Variants in FAM120C observed in about 807,000 individuals in gnomAD.
The protein encoded by FAM120C is family with sequence similarity 120 member C.
FAM120C carries 14 observed loss-of-function variants against 71.2 expected under a neutral mutation model. That is an observed-to-expected ratio of 0.20 (90% CI 0.13 to 0.31). The LOEUF (loss-of-function observed/expected upper bound fraction) is 0.31. Among genes scored for constraint, FAM120C ranks in the 10% least tolerant of loss-of-function variants. The pLI is 1.00. For missense variants in FAM120C, 500 were observed against 879.0 expected, an observed-to-expected ratio of 0.57 and a Z score of 5.45; for synonymous variants, 354 against 353.2, an observed-to-expected ratio of 1.00 and a Z score of -0.03.
At chrX:54,180,122 A>G (rs1557137170) in intron 1 of FAM120C, among the ~76,000 whole-genome samples, 1 of 112,166 alleles carries the variant, frequency 8.9e-6, no homozygotes, top group African/African-American at 3.2e-5. Context: ...CTGCTTCTCT[A>G]AAGATTTTGA....
intron 10 of FAM120C, among the ~76,000 whole-genome samples, chrX:54,104,042 G>A (rs1469948210): frequency 8.9e-6 from 1 of 111,895 alleles, no homozygotes; most frequent in African/African-American, 3.2e-5. Flanking sequence ...AAACAAAGAG[G>A]AGAAACCTTG....
intron 10 of FAM120C, among the ~76,000 whole-genome samples, chrX:54,103,700 T>C (rs782496117): frequency 1.2e-4 from 13 of 111,603 alleles, no homozygotes; most frequent in Non-Finnish European, 2.4e-4. Context: ...TAATACTACA[T>C]TATTTTGGTA....
chrX:54,127,255 T>C (rs782491708), intron 9 of FAM120C, among the ~76,000 whole-genome samples: 17 of 110,911 alleles, frequency 1.5e-4, no homozygotes, highest in African/African-American at 9.8e-5. Flanking sequence ...TGATGAAGGA[T>C]ACTGGTCTGA....
At position 54,108,760 on chromosome X, in the gene FAM120C, G is replaced by A. The variant is rs1346191343; in HGVS notation, c.2312+7785C>T. Among the ~76,000 whole-genome samples, 4 of 109,815 alleles carry A rather than the reference G, an allele frequency of 3.6e-5. No homozygotes were observed. In the East Asian group the frequency reaches 1.1e-3, roughly 31 times the overall value. ...AGCCTGGGCAACATGGTGAAACCCG[G>A]TCTCTACAAAAATACAAAAATTAGC... On this transcript the variant is annotated intron_variant, in intron 10 of 15. Transcript: ENST00000375180.
intron 15 of FAM120C, among the ~76,000 whole-genome samples, chrX:54,078,685 G>T (rs1223414979): frequency 9.0e-6 from 1 of 111,138 alleles, no homozygotes; most frequent in Non-Finnish European, 1.9e-5. Context: ...TCTAGAGGGG[G>T]CTTGGTAGAA....
intron 10 of FAM120C, among the ~76,000 whole-genome samples, chrX:54,107,678 G>A (rs1292554304): frequency 9.7e-6 from 1 of 102,616 alleles, no homozygotes; most frequent in Non-Finnish European, 2.0e-5. Flanking sequence ...TGCCACTACT[G>A]CTTGGCTAAT....
At position 54,163,943 on chromosome X, in the gene FAM120C, T is replaced by C. The variant is rs782799619; in HGVS notation, c.700-4327A>G. On this transcript the variant is annotated intron_variant, in intron 1 of 15. Coordinates refer to ENST00000375180, the MANE Select transcript of FAM120C (RefSeq NM_017848.6). ...ATATATACATATATATATATATTTT[T>C]TTTTTTTGAGACAGAGTCTCGCTCT... Among the ~76,000 whole-genome samples the C allele has an allele frequency of 6.0e-3, 647 of 108,031 alleles. 4 individuals are homozygous for C. The highest frequency in any genetic ancestry group is 0.033 in the Middle Eastern group (7 of 209). The allele number at this position is 108,031 out of a possible 115,157, so 93.8% of individuals were successfully genotyped here. A position where few individuals can be genotyped will look rare whatever the true frequency, so the allele number is the denominator to read the frequency against.
chrX:54,156,242 C>T (rs1363500897), intron 3 of FAM120C, among the ~76,000 whole-genome samples: 3 of 107,151 alleles, frequency 2.8e-5, no homozygotes, highest in East Asian at 2.9e-4. Context: ...AATGAAAGAA[C>T]GAGGGAAATA....
At chrX:54,176,992 CT>C (rs1200664097) in intron 1 of FAM120C, among the ~76,000 whole-genome samples, 2 of 111,535 alleles carry the variant, frequency 1.8e-5, no homozygotes, top group African/African-American at 6.5e-5. Flanking sequence ...TATAGGATAA[CT>C]TTTGAGCAGG....
At chrX:54,150,559 T>C (rs1216759232) in intron 4 of FAM120C, among the ~76,000 whole-genome samples, 2 of 111,753 alleles carry the variant, frequency 1.8e-5, no homozygotes, top group Admixed American at 9.6e-5. Flanking sequence ...TAAGCTCAAG[T>C]AATCTTCCTG....
At chrX:54,150,092 C>A (rs1224017056) in intron 4 of FAM120C, among the ~76,000 whole-genome samples, 1 of 111,479 alleles carries the variant, frequency 9.0e-6, no homozygotes, top group Non-Finnish European at 1.9e-5. Context: ...TGAGGAAGAA[C>A]TCCTTTATGT....
intron 4 of FAM120C, among the ~76,000 whole-genome samples, chrX:54,142,630 A>C (rs782620215): frequency 8.9e-6 from 1 of 112,098 alleles, no homozygotes; most frequent in Non-Finnish European, 1.9e-5. Flanking sequence ...CTCAAGGAGG[A>C]CTGCCTGCCT....
At position 54,071,648 on chromosome X, in the gene FAM120C, C is replaced by T. The variant is rs2066709234; in HGVS notation, c.*1385G>A. The T allele has an allele frequency of 8.9e-6, 1 of 111,899 alleles. No homozygotes were observed. Among genetic ancestry groups the T allele is most frequent in the Non-Finnish European group, 1.9e-5 (1 of 53,177 alleles). The allele number at this position is 111,899 out of a possible 1,213,427, so 9.2% of individuals were successfully genotyped here. ...TCTCCAAACCTTCATAAGGAAATGC[C>T]CAACTCTTCCCAATCCCATTCCAAC... On this transcript the variant is annotated 3_prime_UTR_variant, in exon 16 of 16. Transcript: ENST00000375180.
At chrX:54,080,149 T>C in intron 15 of FAM120C, 83 bp downstream of exon 15, 4 of 807,106 alleles carry the variant, frequency 5.0e-6, no homozygotes, top group Non-Finnish European at 7.5e-6. Flanking sequence ...CAGGTTTCCA[T>C]GCCTGATGTG....
At chrX:54,157,376 T>A (rs782331146) in intron 3 of FAM120C, among the ~76,000 whole-genome samples, 136 of 110,640 alleles carry the variant, frequency 1.2e-3, no homozygotes, top group African/African-American at 4.3e-3. Flanking sequence ...TGTCTTAGCC[T>A]CCTGAGTAGC....
At chrX:54,112,772 C>T (rs368840829) in intron 10 of FAM120C, among the ~76,000 whole-genome samples, 65 of 106,715 alleles carry the variant, frequency 6.1e-4, no homozygotes, top group African/African-American at 2.2e-3. Flanking sequence ...ACCTGGGAGG[C>T]GGAGCTTGCA....
At chrX:54,105,190 C>T (rs962142275) in intron 10 of FAM120C, among the ~76,000 whole-genome samples, 7 of 111,829 alleles carry the variant, frequency 6.3e-5, no homozygotes, top group African/African-American at 1.6e-4. Context: ...TCCAGCAGCA[C>T]ATCAAAAACC....
intron 5 of FAM120C, among the ~76,000 whole-genome samples, chrX:54,135,912 G>A (rs2067091886): frequency 9.0e-6 from 1 of 111,139 alleles, no homozygotes; most frequent in Non-Finnish European, 1.9e-5. Flanking sequence ...CATATACCAG[G>A]CCAGAATGGG....
At chrX:54,176,185 C>A in intron 1 of FAM120C, among the ~76,000 whole-genome samples, 1 of 110,931 alleles carries the variant, frequency 9.0e-6, no homozygotes, top group East Asian at 2.8e-4. Flanking sequence ...GTAATCCCAG[C>A]GCTTTGGGTG....
Sources: gnomAD v4.1 joint callset for allele counts (sites outside exome capture counted in the v4.1 genomes callset) on GRCh38, gnomAD v4.1.1 for gene constraint, MANE v1.5 for transcripts, NCBI Gene and HGNC (gene_info 2026-07-23, HGNC 2026-07-21) for gene names.